The following SND1 variants were observed in gnomAD, a reference collection of about 807,000 sequenced individuals.
The protein encoded by SND1 is staphylococcal nuclease and tudor domain containing 1.
SND1 carries 38 observed loss-of-function variants against 121.7 expected under a neutral mutation model. That is an observed-to-expected ratio of 0.31 (90% CI 0.24 to 0.41). The LOEUF (loss-of-function observed/expected upper bound fraction) is 0.41, where lower values mean the gene tolerates loss of function less well. Ranked by LOEUF, SND1 falls within the 10% of genes least tolerant of loss-of-function variation. The probability of loss-of-function intolerance (pLI) is 1.00; values close to 1 mark genes in which losing one functional copy is unlikely to be tolerated. For missense variants in SND1, 868 were observed against 1,184.6 expected, an observed-to-expected ratio of 0.73 and a Z score of 3.92; for synonymous variants, 401 against 447.4, an observed-to-expected ratio of 0.90 and a Z score of 1.31.
chr7:127,667,824 A>G (rs1014985694), intron 1 of SND1, among the ~76,000 whole-genome samples: 2 of 152,144 alleles, frequency 1.3e-5, no homozygotes, highest in Non-Finnish European at 2.9e-5. Flanking sequence ...TATTACAGAC[A>G]TGCACATACA....
chr7:127,817,086 T>G (rs1383378479), intron 11 of SND1, among the ~76,000 whole-genome samples: 1 of 152,200 alleles, frequency 6.6e-6, no homozygotes, highest in Non-Finnish European at 1.5e-5. Context: ...TTGGGTACCT[T>G]TGTAGAGGTG....
At chr7:128,069,130 C>G (rs977528258) in intron 16 of SND1, among the ~76,000 whole-genome samples, 14 of 152,352 alleles carry the variant, frequency 9.2e-5, no homozygotes, top group African/African-American at 3.4e-4. Flanking sequence ...TCCTATCAAC[C>G]CCACTTGCCT....
chr7:127,999,339 GT>G (rs1258704549), intron 16 of SND1: 1 of 149,414 alleles, frequency 6.7e-6, no homozygotes, highest in Non-Finnish European at 1.5e-5. Context: ...CCTTAAGAGA[GT>G]TTTATGTTTT....
At chr7:128,004,432 G>A (rs1244583140) in intron 16 of SND1, among the ~76,000 whole-genome samples, 3 of 152,162 alleles carry the variant, frequency 2.0e-5, no homozygotes, top group East Asian at 1.9e-4. Flanking sequence ...GAATAATTAT[G>A]CCCAGTTGGT....
At chr7:127,704,655 A>G (rs1796158444) in intron 7 of SND1, among the ~76,000 whole-genome samples, 184 bp from the exon 8 acceptor site, 1 of 152,222 alleles carries the variant, frequency 6.6e-6, no homozygotes, top group Non-Finnish European at 1.5e-5. Context: ...GGAGTCTCAG[A>G]GTGGCATCTC....
intron 12 of SND1, among the ~76,000 whole-genome samples, chr7:127,880,196 A>G (rs1287186400): frequency 6.6e-6 from 1 of 152,190 alleles, no homozygotes; most frequent in African/African-American, 2.4e-5. Flanking sequence ...GTCTCTTAGT[A>G]GCCATCTCAG....
chr7:127,699,361 T>G (rs741599), intron 4 of SND1, among the ~76,000 whole-genome samples: 52,519 of 152,024 alleles, frequency 0.35, 9,707 homozygotes, highest in Admixed American at 0.43. Flanking sequence ...GGGGAGACAG[T>G]CAGTAAACAA....
chr7:127,938,989 ATGTAT>A (rs1272386738), intron 15 of SND1, among the ~76,000 whole-genome samples: 3 of 152,224 alleles, frequency 2.0e-5, no homozygotes, highest in Non-Finnish European at 4.4e-5. Flanking sequence ...GGAGTAAAGA[ATGTAT>A]TGACATGAAG....
At chr7:127,769,571 A>C (rs992625971) in intron 10 of SND1, among the ~76,000 whole-genome samples, 1 of 152,108 alleles carries the variant, frequency 6.6e-6, no homozygotes, top group Admixed American at 6.5e-5. Flanking sequence ...TGTTTTGACC[A>C]GCTTCCATTC....
chr7:127,657,860 T>C (rs806171), intron 1 of SND1, among the ~76,000 whole-genome samples: 1 of 152,142 alleles, frequency 6.6e-6, no homozygotes, highest in African/African-American at 2.4e-5. Flanking sequence ...CAGTATCCCA[T>C]GTAAATAGTT....
rs1028066046 is a variant in SND1 at position 127,963,344 on chromosome 7, G to A, written c.1670-27603G>A. Among the ~76,000 whole-genome samples the A allele has an allele frequency of 2.8e-5, 4 of 144,956 alleles. No individual in the cohort carries two copies. In the South Asian group the frequency reaches 6.8e-4, roughly 25 times the overall value. On this transcript the variant is annotated intron_variant, in intron 15 of 23. Transcript: ENST00000354725. ...ATGTATACATGTGCCATGCTGGTGC[G>A]CTGCACCCACTAACTCGTCATCTAG...
At chr7:127,887,762 A>G (rs1055625569) in intron 12 of SND1, 140 bp from the exon 13 acceptor site, 1 of 557,994 alleles carries the variant, frequency 1.8e-6, no homozygotes, top group Non-Finnish European at 3.2e-6. Context: ...TAGCTTAGCA[A>G]CTCATAGGTC....
At chr7:128,001,893 T>C (rs1447051672) in intron 16 of SND1, among the ~76,000 whole-genome samples, 2 of 152,066 alleles carry the variant, frequency 1.3e-5, no homozygotes, top group Non-Finnish European at 2.9e-5. Flanking sequence ...ATCGCACCAC[T>C]GCACTCCAGT....
At chr7:128,030,964 C>A (rs1792573137) in intron 16 of SND1, 1 of 188,442 alleles carries the variant, frequency 5.3e-6, no homozygotes, top group South Asian at 1.7e-4. Flanking sequence ...GCTTTCTCCA[C>A]GGGAGCTGGG....
chr7:127,704,723 C>A, intron 7 of SND1, 116 bp from the exon 8 acceptor site: 2 of 865,162 alleles, frequency 2.3e-6, no homozygotes, highest in South Asian at 1.5e-5. Context: ...AACAAACAAA[C>A]AAACAAACTG....
At chr7:128,059,213 G>A (rs906727379) in intron 16 of SND1, among the ~76,000 whole-genome samples, 12 of 152,084 alleles carry the variant, frequency 7.9e-5, no homozygotes, top group Admixed American at 2.0e-4. Flanking sequence ...AGAGTTTCCC[G>A]ACTCTTCAGT....
chr7:128,040,716 G>T (rs188540876), intron 16 of SND1, among the ~76,000 whole-genome samples: 1 of 152,164 alleles, frequency 6.6e-6, no homozygotes, highest in South Asian at 2.1e-4. Flanking sequence ...AACCTATTAT[G>T]TCCTTTTCTG....
At chr7:127,921,174 C>G (rs1434153597) in intron 14 of SND1, among the ~76,000 whole-genome samples, 1 of 152,056 alleles carries the variant, frequency 6.6e-6, no homozygotes, top group African/African-American at 2.4e-5. Flanking sequence ...CTTAGTAGAA[C>G]TTTTTTCTTT....
chr7:127,699,058 T>A, intron 4 of SND1, 105 bp downstream of exon 4: 1 of 814,598 alleles, frequency 1.2e-6, no homozygotes, highest in Non-Finnish European at 2.1e-6. Context: ...CTTTCACACC[T>A]TCGCGGACAT....
Sources: gnomAD v4.1 joint callset for allele counts (sites outside exome capture counted in the v4.1 genomes callset) on GRCh38, gnomAD v4.1.1 for gene constraint, MANE v1.5 for transcripts, NCBI Gene and HGNC (gene_info 2026-07-23, HGNC 2026-07-21) for gene names.